The following ZNF600 variants were observed in gnomAD, a reference collection of about 807,000 sequenced individuals.
ZNF600 encodes zinc finger protein KR-ZNF1.
ZNF600 carries 4 observed loss-of-function variants against 7.3 expected under a neutral mutation model. That is an observed-to-expected ratio of 0.55 (90% CI 0.27 to 1.25). ZNF600 has a LOEUF of 1.25. Among genes scored for constraint, ZNF600 ranks in the 50% most tolerant of loss-of-function variants. The probability of loss-of-function intolerance (pLI) is 0.12; values close to 1 mark genes in which losing one functional copy is unlikely to be tolerated. For synonymous variants in ZNF600, 290 were observed against 308.9 expected (o/e 0.94, Z 0.64); for missense variants, 911 against 922.1 (o/e 0.99, Z 0.16).
At chr19:52,793,419 G>A in the ZNF600 span, among the ~76,000 whole-genome samples, 5 of 152,282 alleles carry the variant, frequency 3.3e-5, no homozygotes, top group East Asian at 7.7e-4. Context: ...TTGCAGCTGA[G>A]GGGCTAGAGA....
At chr19:52,827,981 G>C in the ZNF600 span, among the ~76,000 whole-genome samples, 50 of 152,238 alleles carry the variant, frequency 3.3e-4, no homozygotes, top group East Asian at 3.9e-3. Flanking sequence ...AAAGAAAGGA[G>C]ACAGGATAAT....
At chr19:52,829,172 AT>A in the ZNF600 span, among the ~76,000 whole-genome samples, 1 of 145,888 alleles carries the variant, frequency 6.9e-6, no homozygotes, top group East Asian at 2.5e-4. Context: ...CCTTATTTTT[AT>A]TTTTTTCTTT....
chr19:52,776,014 A>G (rs1365967255), intron 2 of ZNF600, among the ~76,000 whole-genome samples: 2 of 150,756 alleles, frequency 1.3e-5, no homozygotes, highest in Non-Finnish European at 3.0e-5. Context: ...TCCAAAAAAA[A>G]AAACCAAAAA....
At chr19:52,796,340 A>G in the ZNF600 span, among the ~76,000 whole-genome samples, 2 of 152,216 alleles carry the variant, frequency 1.3e-5, no homozygotes, top group South Asian at 4.1e-4. Flanking sequence ...CAATCAATAC[A>G]TAAAACATAT....
chr19:52,765,655 T>C, exon 4 of ZNF600: 1 of 1,614,046 alleles, frequency 6.2e-7, no homozygotes, highest in Non-Finnish European at 8.5e-7. Flanking sequence ...CTAAAGGCTT[T>C]GCCACACTCA....
chr19:52,780,997 A>C (rs1183118906), intron 1 of ZNF600: 2 of 152,224 alleles, frequency 1.3e-5, no homozygotes, highest in African/African-American at 4.8e-5. Context: ...CTGTTTGATG[A>C]CCCAGGAGAC....
chr19:52,815,184 G>C, the ZNF600 span, among the ~76,000 whole-genome samples: 2 of 144,518 alleles, frequency 1.4e-5, no homozygotes, highest in African/African-American at 5.4e-5. Context: ...TGGTGGAAAG[G>C]ATACTTTGGC....
chr19:52,801,147 TG>T, the ZNF600 span: 22 of 1,614,034 alleles, frequency 1.4e-5, no homozygotes, highest in Admixed American at 3.3e-5. Context: ...GGTTATCTGA[TG>T]TTTTTTTAAA....
At chr19:52,786,671 G>T in exon 1 of ZNF600, 1 of 226,874 alleles carries the variant, frequency 4.4e-6, no homozygotes, top group South Asian at 4.2e-5. Flanking sequence ...CACGTCCCAG[G>T]GGCAGAAGCG....
the ZNF600 span, among the ~76,000 whole-genome samples, chr19:52,824,099 A>ATAATAT: frequency 9.9e-5 from 15 of 151,538 alleles, no homozygotes; most frequent in African/African-American, 3.6e-4. Flanking sequence ...AATAATAATA[A>ATAATAT]TAATAAATAT....
intron 3 of ZNF600, among the ~76,000 whole-genome samples, chr19:52,771,292 TC>T (rs2062628280): frequency 2.0e-5 from 3 of 152,126 alleles, no homozygotes; most frequent in African/African-American, 7.2e-5. Context: ...TTTCCCATTT[TC>T]CAGATTCATG....
chr19:52,817,755 C>T, the ZNF600 span, among the ~76,000 whole-genome samples: 1 of 152,120 alleles, frequency 6.6e-6, no homozygotes, highest in African/African-American at 2.4e-5. Context: ...GCAGCCTCTC[C>T]CATGTTCATG....
chr19:52,813,599 C>T, the ZNF600 span, among the ~76,000 whole-genome samples: 1 of 145,796 alleles, frequency 6.9e-6, no homozygotes, highest in African/African-American at 2.7e-5. Context: ...TGCTCCTGTC[C>T]CTCCAGGTCT....
At chr19:52,790,552 T>C (rs1456235565), upstream of ZNF600, among the ~76,000 whole-genome samples, 2 of 152,130 alleles carry the variant, frequency 1.3e-5, no homozygotes, top group African/African-American at 4.8e-5. Context: ...CCCATGCCTA[T>C]CTTTCAAGCT....
the ZNF600 span, among the ~76,000 whole-genome samples, chr19:52,821,052 T>C: frequency 4.4e-3 from 674 of 152,178 alleles, no homozygotes; most frequent in Middle Eastern, 0.01. Context: ...CAGGCACCTC[T>C]CCAACGCGGG....
the ZNF600 span, chr19:52,801,346 A>G: frequency 1.9e-6 from 3 of 1,614,182 alleles, no homozygotes; most frequent in Non-Finnish European, 2.5e-6. Flanking sequence ...TTGTTGATAG[A>G]CTTCTCAACT....
At chr19:52,794,239 C>G in the ZNF600 span, among the ~76,000 whole-genome samples, 2 of 152,144 alleles carry the variant, frequency 1.3e-5, no homozygotes, top group Non-Finnish European at 1.5e-5. Flanking sequence ...TTTTTCCATT[C>G]CGGTATTTGT....
At chr19:52,791,779 C>G (rs574639702), upstream of ZNF600, among the ~76,000 whole-genome samples, 261 of 152,300 alleles carry the variant, frequency 1.7e-3, 2 homozygotes, top group Non-Finnish European at 3.1e-3. Context: ...ATCTCGCCCC[C>G]CTCCTGGAGG....
the ZNF600 span, chr19:52,797,497 T>C: frequency 6.6e-6 from 1 of 152,226 alleles, no homozygotes; most frequent in Non-Finnish European, 1.5e-5. Flanking sequence ...CTGGAACTAA[T>C]AAACATATTC....
Sources: allele counts gnomAD v4.1 joint callset (sites outside exome capture counted in the v4.1 genomes callset), GRCh38; gene constraint gnomAD v4.1.1; transcripts MANE v1.5; gene names NCBI Gene and HGNC (gene_info 2026-07-23, HGNC 2026-07-21).